FOCAD: variants seen among roughly 807,000 people sequenced by gnomAD.
The protein encoded by FOCAD is focadhesin, also known as KIAA1797.
In FOCAD, 198 loss-of-function variants were observed where a neutral mutation model predicts 225.6. The observed-to-expected ratio is 0.88, with a 90% CI of 0.78 to 0.99. The LOEUF (loss-of-function observed/expected upper bound fraction) is 0.99, where lower values mean the gene tolerates loss of function less well. FOCAD is among the 50% of genes least tolerant of loss of function. FOCAD has a pLI of 0.00. For missense variants in FOCAD, 2,713 were observed against 2,123.6 expected, an observed-to-expected ratio of 1.28 and a Z score of -5.46; for synonymous variants, 897 against 755.0, an observed-to-expected ratio of 1.19 and a Z score of -3.08.
Position 20,981,635 on chromosome 9 carries a change from G to A in FOCAD, c.4587G>A (p.Leu1529=). The change falls in exon 38 of 44, where the codon CTG becomes CTA. Residue 1529 remains leucine, a synonymous_variant. Transcript: ENST00000338382. ...GCCCTGCCCACCACCTCTGGAGTCT[G>A]CTCTCTGAAGCTACTGGGAAAATTT... ...LPSPAHHLWS[L]LSEATGKIFD... is the part of the protein sequence containing the mutation. 6.2e-7 allele frequency: 1 copy of A among 1,613,084 alleles called. No individual in the cohort carries two copies. The highest frequency in any genetic ancestry group is 8.5e-7 in the Non-Finnish European group (1 of 1,179,594).
At chr9:20,751,995 T>G (rs980724902) in intron 5 of FOCAD, among the ~76,000 whole-genome samples, 25 of 145,566 alleles carry the variant, frequency 1.7e-4, no homozygotes, top group Non-Finnish European at 3.2e-4. Flanking sequence ...GCCCACTTTT[T>G]GATGGGGTTG....
intron 2 of FOCAD, among the ~76,000 whole-genome samples, chr9:20,664,641 C>CTTTTT (rs558613749): frequency 7.2e-6 from 1 of 138,528 alleles, no homozygotes; most frequent in African/African-American, 2.7e-5. Flanking sequence ...TCTTTCCTTT[C>CTTTTT]TTTTTTTTTT....
chr9:20,897,556 A>T (rs939915390), intron 21 of FOCAD, among the ~76,000 whole-genome samples: 2 of 151,508 alleles, frequency 1.3e-5, no homozygotes, highest in African/African-American at 4.8e-5. Flanking sequence ...TTTTTAAATG[A>T]TTGCCACACA....
At chr9:20,678,822 A>G (rs964279151) in intron 2 of FOCAD, among the ~76,000 whole-genome samples, 2 of 152,076 alleles carry the variant, frequency 1.3e-5, no homozygotes, top group African/African-American at 4.8e-5. Flanking sequence ...CCCCAATGTT[A>G]CTGCGTCTCC....
intron 1 of FOCAD, among the ~76,000 whole-genome samples, chr9:20,707,025 C>G (rs958756345): frequency 6.6e-6 from 1 of 152,170 alleles, no homozygotes. Context: ...CTGGAGAGAA[C>G]TTGATCACAT....
At chr9:20,898,128 A>G (rs773770177) in intron 21 of FOCAD, among the ~76,000 whole-genome samples, 2 of 151,690 alleles carry the variant, frequency 1.3e-5, no homozygotes, top group Non-Finnish European at 2.9e-5. Flanking sequence ...CTCTATATGT[A>G]TGGTATCTTT....
In FOCAD at chr9:20,721,481, C is replaced by T. The variant is rs941951524; in HGVS notation, c.287+947C>T. On this transcript the variant is annotated intron_variant, in intron 4 of 43. Coordinates refer to ENST00000338382, the MANE Select transcript of FOCAD (RefSeq NM_001375567.1). ...CTTTGGGAGGCTGAGGCGGGCGGAT[C>T]ACCTGACGTCAGGAGTTCGAGACCA... Among the ~76,000 whole-genome samples the T allele has an allele frequency of 5.9e-5, 9 of 152,162 alleles. No homozygotes were observed. In the South Asian group the frequency reaches 1.7e-3, roughly 28 times the overall value.
At chr9:20,967,675 GT>G (rs139289338) in intron 35 of FOCAD, among the ~76,000 whole-genome samples, 1 of 151,948 alleles carries the variant, frequency 6.6e-6, no homozygotes, top group African/African-American at 2.4e-5. Flanking sequence ...TATTATGTGT[GT>G]TTTTTATCGG....
intron 19 of FOCAD, among the ~76,000 whole-genome samples, chr9:20,880,865 G>GT (rs1175873361): frequency 6.6e-6 from 1 of 152,052 alleles, no homozygotes; most frequent in Non-Finnish European, 1.5e-5. Context: ...TAGCTTTAAT[G>GT]TTTTTTGTTT....
intron 10 of FOCAD, among the ~76,000 whole-genome samples, chr9:20,783,605 G>C (rs566154025): frequency 4.6e-5 from 7 of 150,612 alleles, no homozygotes; most frequent in African/African-American, 1.2e-4. Flanking sequence ...TTTTGAGACG[G>C]AGTCTCACTC....
At chr9:20,976,673 G>C in intron 36 of FOCAD, 125 bp downstream of exon 36, 1 of 1,047,440 alleles carries the variant, frequency 9.5e-7, no homozygotes, top group Non-Finnish European at 1.4e-6. Flanking sequence ...GGTTTGTCAT[G>C]TTGGATGGAA....
chr9:20,825,037 G>A (rs1824724682), intron 15 of FOCAD, among the ~76,000 whole-genome samples: 1 of 151,554 alleles, frequency 6.6e-6, no homozygotes, highest in African/African-American at 2.4e-5. Context: ...TTAATGTTTG[G>A]TAATGAATAG....
chr9:20,974,940 C>T (rs1428364302), intron 35 of FOCAD, among the ~76,000 whole-genome samples: 1 of 152,150 alleles, frequency 6.6e-6, no homozygotes, highest in East Asian at 1.9e-4. Context: ...TCTTCCTATG[C>T]TTCTCCTTTC....
At chr9:20,696,632 C>T (rs1823391096) in intron 1 of FOCAD, among the ~76,000 whole-genome samples, 1 of 152,084 alleles carries the variant, frequency 6.6e-6, no homozygotes, top group Admixed American at 6.6e-5. Context: ...GGCAAAACCT[C>T]CTCTCTACTA....
intron 15 of FOCAD, among the ~76,000 whole-genome samples, chr9:20,848,911 G>A (rs1259442651): frequency 6.6e-6 from 1 of 151,328 alleles, no homozygotes; most frequent in Non-Finnish European, 1.5e-5. Context: ...AAATGTTTTT[G>A]TATCTTTATC....
At position 20,907,188 on chromosome 9, in the gene FOCAD, T is replaced by A; in HGVS notation, c.2664T>A (p.Phe888Leu). ...IQLSEWHRAI[F>L]LPQAWLAYMN... Reference sequence around the variant, plus strand: ...TTTCAGAGTGGCACCGTGCAATTTTTCTTCCACAGGCCTGGCTTGCATACA... The same window carrying A: ...TTTCAGAGTGGCACCGTGCAATTTTACTTCCACAGGCCTGGCTTGCATACA... The change falls in exon 22 of 44, where the codon TTT (phenylalanine) becomes TTA (leucine). Residue 888 changes from phenylalanine to leucine, a missense_variant. By Grantham distance (22) the Phe-to-Leu change is conservative. Transcript: ENST00000338382. The A allele has an allele frequency of 6.2e-7, 1 of 1,613,320 alleles. No individual in the cohort carries two copies. Among genetic ancestry groups the A allele is most frequent in the Non-Finnish European group, 8.5e-7 (1 of 1,179,534 alleles).
chr9:20,712,919 G>C (rs1824984793), intron 1 of FOCAD, among the ~76,000 whole-genome samples: 1 of 151,822 alleles, frequency 6.6e-6, no homozygotes. Context: ...TTTTAGTAGA[G>C]ACAGGGTTTC....
intron 2 of FOCAD, 83 bp downstream of exon 2, chr9:20,715,493 TTAAA>T: frequency 1.7e-6 from 1 of 575,604 alleles, no homozygotes; most frequent in Non-Finnish European, 2.6e-6. Flanking sequence ...ATATTTAATA[TTAAA>T]TATTTTATTC....
At chr9:20,750,833 G>A (rs1828472335) in intron 5 of FOCAD, among the ~76,000 whole-genome samples, 1 of 152,122 alleles carries the variant, frequency 6.6e-6, no homozygotes. Flanking sequence ...AGCCATTTAA[G>A]CTTGGCATAG....
Sources: allele counts gnomAD v4.1 joint callset (sites outside exome capture counted in the v4.1 genomes callset), GRCh38; gene constraint gnomAD v4.1.1; transcripts MANE v1.5; gene names NCBI Gene and HGNC (gene_info 2026-07-23, HGNC 2026-07-21).